Variants in TENM2 observed in about 807,000 individuals in gnomAD.
The protein encoded by TENM2 is teneurin-2.
TENM2 carries 52 observed loss-of-function variants against 245.2 expected under a neutral mutation model. The observed-to-expected ratio is 0.21, with a 90% CI of 0.17 to 0.27. The LOEUF is 0.27. TENM2 is among the 10% of genes least tolerant of loss of function. The probability of loss-of-function intolerance (pLI) is 1.00; values close to 1 mark genes in which losing one functional copy is unlikely to be tolerated. For missense variants in TENM2, 3,046 were observed against 3,666.8 expected, an observed-to-expected ratio of 0.83 and a Z score of 4.37; for synonymous variants, 1,363 against 1,438.9, an observed-to-expected ratio of 0.95 and a Z score of 1.19.
intron 19 of TENM2, among the ~76,000 whole-genome samples, chr5:168,207,326 C>T (rs183850771): frequency 1.5e-3 from 233 of 152,266 alleles, no homozygotes; most frequent in Non-Finnish European, 2.6e-3. Context: ...CCTGGTTCCA[C>T]GTCTCTCGAG....
At chr5:167,233,134 C>T in the TENM2 span, among the ~76,000 whole-genome samples, 94 of 152,212 alleles carry the variant, frequency 6.2e-4, 2 homozygotes, top group South Asian at 0.019. Flanking sequence ...TTACTATGAG[C>T]TCTGGGGTTG....
At chr5:167,905,091 T>C (rs1484626610) in intron 3 of TENM2, among the ~76,000 whole-genome samples, 1 of 152,146 alleles carries the variant, frequency 6.6e-6, no homozygotes, top group Non-Finnish European at 1.5e-5. Context: ...AAAAATGATC[T>C]CACGGTTGCA....
At chr5:167,555,945 A>G (rs1392371898) in intron 2 of TENM2, among the ~76,000 whole-genome samples, 4 of 152,166 alleles carry the variant, frequency 2.6e-5, no homozygotes, top group South Asian at 2.1e-4. Context: ...TGTTTTCATT[A>G]AAGTGAGCCG....
At chr5:168,243,926 T>C (rs1351467925) in intron 25 of TENM2, among the ~76,000 whole-genome samples, 1 of 151,254 alleles carries the variant, frequency 6.6e-6, no homozygotes, top group African/African-American at 2.4e-5. Context: ...ACTACCATTT[T>C]CTTTTCTTTG....
chr5:167,244,244 G>A, the TENM2 span, among the ~76,000 whole-genome samples: 2 of 151,900 alleles, frequency 1.3e-5, no homozygotes, highest in African/African-American at 2.4e-5. Context: ...CATTTTAATG[G>A]CAAATTATAA....
intron 4 of TENM2, among the ~76,000 whole-genome samples, chr5:167,970,234 TC>T (rs1389327492): frequency 1.3e-5 from 2 of 152,240 alleles, no homozygotes; most frequent in Non-Finnish European, 2.9e-5. Context: ...TTCTGACTCA[TC>T]ACCCTCTCTG....
At chr5:167,602,739 G>A (rs907488098) in intron 2 of TENM2, among the ~76,000 whole-genome samples, 1 of 152,158 alleles carries the variant, frequency 6.6e-6, no homozygotes, top group African/African-American at 2.4e-5. Context: ...AAAAGACAAG[G>A]AAACTTCAAT....
the TENM2 span, among the ~76,000 whole-genome samples, chr5:167,180,947 A>G: frequency 8.3e-6 from 1 of 120,040 alleles, no homozygotes; most frequent in East Asian, 4.8e-4. Flanking sequence ...GCTTTTATTG[A>G]AAAAAAAAAC....
chr5:167,537,250 CA>C (rs386405596), intron 2 of TENM2, among the ~76,000 whole-genome samples: 7,828 of 108,602 alleles, frequency 0.072, 268 homozygotes, highest in Middle Eastern at 0.13. Flanking sequence ...CCATCTCTAC[CA>C]AAAAAAAAAA....
intron 2 of TENM2, among the ~76,000 whole-genome samples, chr5:167,403,182 C>T (rs1167576303): frequency 6.6e-6 from 1 of 151,570 alleles, no homozygotes; most frequent in Non-Finnish European, 1.5e-5. Flanking sequence ...TTAAGCAAAA[C>T]AAAATTTCCT....
intron 2 of TENM2, among the ~76,000 whole-genome samples, chr5:167,565,950 G>T (rs1773880461): frequency 6.6e-6 from 1 of 152,078 alleles, no homozygotes. Context: ...TTTGTTTGTT[G>T]TTGTTGTTTA....
intron 1 of TENM2, among the ~76,000 whole-genome samples, chr5:167,318,856 A>G (rs1169715305): frequency 2.6e-5 from 4 of 152,160 alleles, no homozygotes; most frequent in East Asian, 1.9e-4. Context: ...TTAAAAAGGA[A>G]AGTTTTTTAA....
At chr5:167,090,160 C>G in the TENM2 span, among the ~76,000 whole-genome samples, 1 of 151,018 alleles carries the variant, frequency 6.6e-6, no homozygotes, top group African/African-American at 2.4e-5. Context: ...ATAAACCATT[C>G]TAGTGTATTT....
chr5:167,737,263 C>G (rs1760867912), intron 2 of TENM2, among the ~76,000 whole-genome samples: 1 of 152,170 alleles, frequency 6.6e-6, no homozygotes, highest in African/African-American at 2.4e-5. Context: ...GTGGTTCATA[C>G]AGAGGCTGGC....
At chr5:167,331,410 A>G (rs1757455653) in intron 1 of TENM2, among the ~76,000 whole-genome samples, 1 of 152,206 alleles carries the variant, frequency 6.6e-6, no homozygotes, top group Non-Finnish European at 1.5e-5. Flanking sequence ...GGATAGAAAG[A>G]TGGACAGATA....
At chr5:167,931,549 TGGAAAA>T (rs1561949242) in intron 3 of TENM2, among the ~76,000 whole-genome samples, 3 of 90,890 alleles carry the variant, frequency 3.3e-5, no homozygotes, top group African/African-American at 1.1e-4. Flanking sequence ...ATAAACCCAT[TGGAAAA>T]AAAAAAAAAA....
chr5:168,066,540 G>A (rs1790522250), intron 7 of TENM2, among the ~76,000 whole-genome samples: 1 of 152,158 alleles, frequency 6.6e-6, no homozygotes, highest in African/African-American at 2.4e-5. Flanking sequence ...CTCACCAGCA[G>A]CATTGTGGAA....
At chr5:167,541,383 C>T (rs550279901) in intron 2 of TENM2, among the ~76,000 whole-genome samples, 6 of 151,930 alleles carry the variant, frequency 3.9e-5, no homozygotes, top group Non-Finnish European at 7.4e-5. Flanking sequence ...TTAAATGCCA[C>T]GGGGAGTCTG....
intron 2 of TENM2, among the ~76,000 whole-genome samples, chr5:167,809,166 C>T (rs1303247183): frequency 6.6e-6 from 1 of 152,182 alleles, no homozygotes; most frequent in African/African-American, 2.4e-5. Context: ...CCAAGATCCA[C>T]AGTTGGCTTC....
Sources: allele counts gnomAD v4.1 joint callset (sites outside exome capture counted in the v4.1 genomes callset), GRCh38; gene constraint gnomAD v4.1.1; transcripts MANE v1.5; gene names NCBI Gene and HGNC (gene_info 2026-07-23, HGNC 2026-07-21).